Variants in CEP57 observed in about 807,000 individuals in gnomAD.
The protein encoded by CEP57 is centrosomal protein 57, also known as centrosomal protein of 57 kDa.
CEP57 carries 40 observed loss-of-function variants against 68.0 expected under a neutral mutation model. The ratio of observed to expected loss-of-function variants is 0.59; its 90% CI spans 0.46 to 0.77. The LOEUF (loss-of-function observed/expected upper bound fraction) is 0.77, where lower values mean the gene tolerates loss of function less well. Ranked by LOEUF, CEP57 falls within the 30% of genes least tolerant of loss-of-function variation. CEP57 has a pLI of 0.00. For synonymous variants in CEP57, 219 were observed against 198.7 expected (o/e 1.10, Z -0.86); for missense variants, 606 against 580.7 (o/e 1.04, Z -0.45).
At chr11:95,828,990 C>T (rs939721045) in intron 9 of CEP57, among the ~76,000 whole-genome samples, 197 bp from the exon 10 acceptor site, 24 of 150,032 alleles carry the variant, frequency 1.6e-4, no homozygotes, top group Admixed American at 4.7e-4. Context: ...TGCTGTGAGC[C>T]GAGATCATGT....
intron 1 of CEP57, among the ~76,000 whole-genome samples, chr11:95,793,576 C>G (rs1861201556): frequency 1.3e-5 from 2 of 152,138 alleles, no homozygotes; most frequent in African/African-American, 4.8e-5. Flanking sequence ...CCTTCCCACA[C>G]CCACCCACTA....
At chr11:95,825,889 T>G (rs889674160) in intron 8 of CEP57, 1 of 152,104 alleles carries the variant, frequency 6.6e-6, no homozygotes, top group African/African-American at 2.4e-5. Flanking sequence ...CCCACTGTAA[T>G]CCCAGTGGCT....
At position 95,831,308 on chromosome 11, in the gene CEP57, G is replaced by T. The variant is rs1288606894; in HGVS notation, c.*52G>T. On this transcript the variant is annotated 3_prime_UTR_variant, in exon 11 of 11. Transcript: ENST00000325542. Reference sequence around the variant, plus strand: ...CAGATAATCTGTACCTCATCAATCAGATGATGACAATTTACTTCCCAGGTC... The same window carrying T: ...CAGATAATCTGTACCTCATCAATCATATGATGACAATTTACTTCCCAGGTC... 7.8e-7 allele frequency: 1 copy of T among 1,282,528 alleles called. No individual in the cohort carries two copies. Among genetic ancestry groups the T allele is most frequent in the Non-Finnish European group, 1.1e-6 (1 of 887,474 alleles). 79.4% of individuals were successfully genotyped at this position (1,282,528 alleles called of 1,614,324 possible). A position where few individuals can be genotyped will look rare whatever the true frequency, so the allele number is the denominator to read the frequency against.
intron 10 of CEP57, 69 bp downstream of exon 10, chr11:95,829,400 A>T (rs1862905118): frequency 1.4e-6 from 2 of 1,421,238 alleles, no homozygotes; most frequent in Admixed American, 3.4e-5. Flanking sequence ...TTCAAATATT[A>T]AATGATGACA....
intron 2 of CEP57, among the ~76,000 whole-genome samples, chr11:95,810,357 C>T (rs970895516): frequency 6.6e-6 from 1 of 152,090 alleles, no homozygotes; most frequent in Non-Finnish European, 1.5e-5. Flanking sequence ...CCAGGGCAAT[C>T]AGGCAGGAGA....
intron 5 of CEP57, 118 bp from the exon 6 acceptor site, chr11:95,818,709 G>C (rs1014969549): frequency 3.0e-5 from 23 of 767,232 alleles, no homozygotes; most frequent in Non-Finnish European, 5.0e-5. Context: ...TTACTACAGT[G>C]ATCTAACCAC....
chr11:95,807,281 A>T (rs1861843492), intron 2 of CEP57, among the ~76,000 whole-genome samples: 1 of 152,214 alleles, frequency 6.6e-6, no homozygotes, highest in African/African-American at 2.4e-5. Flanking sequence ...AGAAAAGCTG[A>T]AAATTCCAAA....
chr11:95,808,012 G>A (rs981691522), intron 2 of CEP57, among the ~76,000 whole-genome samples: 5 of 152,182 alleles, frequency 3.3e-5, no homozygotes, highest in African/African-American at 4.8e-5. Flanking sequence ...CAGACTAACA[G>A]CAGATCTCTC....
intron 7 of CEP57, chr11:95,822,298 T>C (rs1862550459): frequency 1.7e-6 from 1 of 595,350 alleles, no homozygotes; most frequent in Non-Finnish European, 3.0e-6. Context: ...TTTTGTCAAG[T>C]GCTTTTTTCC....
chr11:95,821,752 A>G (rs571433849), intron 6 of CEP57, 119 bp from the exon 7 acceptor site: 82 of 705,282 alleles, frequency 1.2e-4, no homozygotes, highest in South Asian at 9.7e-4. Flanking sequence ...TACAGCTGTA[A>G]TATGTTTTTC....
chr11:95,821,216 TG>T (rs1441407555), intron 6 of CEP57, among the ~76,000 whole-genome samples: 3 of 152,152 alleles, frequency 2.0e-5, no homozygotes, highest in African/African-American at 7.2e-5. Context: ...TGTTTTGTTT[TG>T]TTTTTTTAAA....
intron 8 of CEP57, 179 bp from the exon 9 acceptor site, chr11:95,827,607 T>C (rs1489545217): frequency 2.9e-6 from 2 of 695,552 alleles, no homozygotes; most frequent in South Asian, 3.8e-5. Context: ...TTCTGAAACA[T>C]AGTTAGTGGA....
chr11:95,807,490 C>T (rs1360021703), intron 2 of CEP57, among the ~76,000 whole-genome samples: 1 of 152,070 alleles, frequency 6.6e-6, no homozygotes, highest in African/African-American at 2.4e-5. Flanking sequence ...AGACGAATGG[C>T]TAACTAGAAT....
chr11:95,802,004 CAG>C (rs1389134714), intron 2 of CEP57, among the ~76,000 whole-genome samples: 1 of 151,948 alleles, frequency 6.6e-6, no homozygotes, highest in African/African-American at 2.4e-5. Context: ...AGGAAAGACA[CAG>C]AAATCACTAT....
chr11:95,797,761 T>G (rs963079175), intron 1 of CEP57, among the ~76,000 whole-genome samples: 1 of 152,198 alleles, frequency 6.6e-6, no homozygotes, highest in African/African-American at 2.4e-5. Context: ...ATACAAAATG[T>G]AGAACAGAGG....
chr11:95,810,639 A>G (rs1862017030), intron 2 of CEP57, among the ~76,000 whole-genome samples: 1 of 152,208 alleles, frequency 6.6e-6, no homozygotes, highest in Non-Finnish European at 1.5e-5. Context: ...CCAACTTACA[A>G]GGGATGTGAA....
intron 2 of CEP57, among the ~76,000 whole-genome samples, chr11:95,804,950 G>A (rs945338927): frequency 2.6e-5 from 4 of 151,850 alleles, no homozygotes; most frequent in Non-Finnish European, 4.4e-5. Context: ...ACAATAAAAC[G>A]TTACGCATTT....
intron 2 of CEP57, among the ~76,000 whole-genome samples, chr11:95,799,637 C>T (rs1217998180): frequency 2.6e-5 from 4 of 152,176 alleles, no homozygotes; most frequent in Admixed American, 2.0e-4. Context: ...CACTATTAGT[C>T]CGGAATGAAG....
intron 2 of CEP57, among the ~76,000 whole-genome samples, chr11:95,801,690 A>G (rs973769704): frequency 3.9e-5 from 6 of 152,152 alleles, no homozygotes; most frequent in Admixed American, 2.0e-4. Flanking sequence ...CTAGCAAAGA[A>G]TAAGAAATAT....
Sources: allele counts gnomAD v4.1 joint callset (sites outside exome capture counted in the v4.1 genomes callset), GRCh38; gene constraint gnomAD v4.1.1; transcripts MANE v1.5; gene names NCBI Gene and HGNC (gene_info 2026-07-23, HGNC 2026-07-21).